Variants in LSM7 observed in about 807,000 individuals in gnomAD.
LSM7 encodes the protein LSM7 homolog, U6 small nuclear RNA and mRNA degradation associated.
LSM7 carries 13 observed loss-of-function variants against 14.1 expected under a neutral mutation model. The ratio of observed to expected loss-of-function variants is 0.92; its 90% CI spans 0.60 to 1.47. The LOEUF (loss-of-function observed/expected upper bound fraction) is 1.47, where lower values mean the gene tolerates loss of function less well. Among genes scored for constraint, LSM7 ranks in the 40% most tolerant of loss-of-function variants. The probability of loss-of-function intolerance (pLI) is 0.00; values close to 1 mark genes in which losing one functional copy is unlikely to be tolerated. For synonymous variants in LSM7, 70 were observed against 57.1 expected, an observed-to-expected ratio of 1.23 and a Z score of -1.02; for missense variants, 108 against 140.8, an observed-to-expected ratio of 0.77 and a Z score of 1.18.
chr19:2,328,575 G>A lies in LSM7; in HGVS notation c.-9C>T, dbSNP rs761896507. The A allele has an allele frequency of 1.3e-6, 2 of 1,579,484 alleles. No individual in the cohort carries two copies. The highest frequency in any genetic ancestry group is 8.6e-7 in the Non-Finnish European group (1 of 1,165,030). ...CGCGCGCTCACCGCCATCTTGTCGC[G>A]CCGTGTGGCTCTTCGCAGGCACCGC... On this transcript the variant is annotated 5_prime_UTR_variant, in exon 1 of 4. Coordinates refer to ENST00000252622, the MANE Select transcript of LSM7 (RefSeq NM_016199.3).
intron 3 of LSM7, among the ~76,000 whole-genome samples, chr19:2,323,596 A>C (rs150762892): frequency 6.6e-6 from 1 of 152,046 alleles, no homozygotes; most frequent in East Asian, 1.9e-4. Context: ...GATTACAGGC[A>C]TGCGCCACCA....
At chr19:2,325,862 ACAGAGAAGGTCTGCCCGCCTGCATACAAG>A (rs1804348282) in intron 2 of LSM7, 1 of 152,298 alleles carries the variant, frequency 6.6e-6, no homozygotes, top group Admixed American at 6.5e-5. Flanking sequence ...CTGGCCTTCT[ACAGAGAAGGTCTGCCCGCCTGCATACAAG>A]CTTCCGTCCA....
At chr19:2,325,167 T>C (rs948559823) in intron 2 of LSM7, among the ~76,000 whole-genome samples, 8 of 152,118 alleles carry the variant, frequency 5.3e-5, no homozygotes, top group African/African-American at 1.9e-4. Flanking sequence ...GGGCCACAAC[T>C]TGCCAACTTA....
chr19:2,326,702 C>T (rs1968027043), intron 2 of LSM7, among the ~76,000 whole-genome samples: 1 of 152,232 alleles, frequency 6.6e-6, no homozygotes. Flanking sequence ...AACTCCTGAC[C>T]TCAGGTGATC....
At chr19:2,324,399 C>T in intron 2 of LSM7, 1 of 569,092 alleles carries the variant, frequency 1.8e-6, no homozygotes, top group Non-Finnish European at 3.2e-6. Flanking sequence ...CTGCGGGGGG[C>T]CAGATGGCAA....
intron 2 of LSM7, 94 bp from the exon 3 acceptor site, chr19:2,324,290 T>A: frequency 1.0e-6 from 1 of 965,110 alleles, no homozygotes; most frequent in Non-Finnish European, 1.6e-6. Flanking sequence ...TGGGGCTAAC[T>A]GCTCCAGGGA....
At chr19:2,327,311 G>A (rs1599181672) in intron 2 of LSM7, among the ~76,000 whole-genome samples, 1 of 152,198 alleles carries the variant, frequency 6.6e-6, no homozygotes. Context: ...CCAGGCTGGA[G>A]TGCGGTGGCA....
chr19:2,324,074 C>T (rs1967977672), intron 3 of LSM7, 51 bp downstream of exon 3: 2 of 1,191,396 alleles, frequency 1.7e-6, no homozygotes, highest in East Asian at 2.9e-5. Context: ...GCCCCCCTCA[C>T]CCCACTATCC....
intron 3 of LSM7, among the ~76,000 whole-genome samples, chr19:2,323,770 A>G (rs1967971562): frequency 6.6e-6 from 1 of 152,160 alleles, no homozygotes; most frequent in Non-Finnish European, 1.5e-5. Flanking sequence ...CACCAATTTA[A>G]CAAAAATTAA....
chr19:2,324,499 T>C (rs924140416), intron 2 of LSM7: 1 of 451,662 alleles, frequency 2.2e-6, no homozygotes. Flanking sequence ...TGAGTCCATG[T>C]GTGGCTGAAC....
rs1001872731 is a variant in LSM7, at chr19:2,321,875, C to A, written c.170-53G>T. ...AGGGACCTCCAGGAAGCCTCCGAGA[C>A]CCCCCACCCACCCAAGACCCTCGCT... is the stretch of plus-strand genomic sequence containing the variant. On this transcript the variant is annotated intron_variant, in intron 3 of 3. Coordinates refer to ENST00000252622, the MANE Select transcript of LSM7 (RefSeq NM_016199.3). The surrounding 1 kb of genome is among the most constrained non-coding windows in gnomAD (Gnocchi z 5.0). The A allele has an allele frequency of 2.0e-4, 272 of 1,349,724 alleles. 3 individuals are homozygous for A. The East Asian group carries it at 8.2e-3, about 40-fold the overall frequency. The allele number at this position is 1,349,724 out of a possible 1,614,324, so 83.6% of individuals were successfully genotyped here. A position where few individuals can be genotyped will look rare whatever the true frequency, so the allele number is the denominator to read the frequency against.
rs931952369 is a variant in LSM7 at position 2,324,455 on chromosome 19, G to A, written c.98-259C>T. The A allele has an allele frequency of 3.2e-5, 17 of 527,452 alleles. No homozygotes were observed. In the African/African-American group the frequency reaches 3.2e-4, roughly 10 times the overall value. The allele number at this position is 527,452 out of a possible 1,614,324, so 32.7% of individuals were successfully genotyped here. ...CACAGGGTGCCGGTCACAGCTGCTGGCTCGGGCTGCCTGGGTGGAGGCAGC... is the reference window on the plus strand; with the variant it reads ...CACAGGGTGCCGGTCACAGCTGCTGACTCGGGCTGCCTGGGTGGAGGCAGC... On this transcript the variant is annotated intron_variant, in intron 2 of 3. Transcript: ENST00000252622.
At chr19:2,322,897 T>C (rs1360597578) in intron 3 of LSM7, among the ~76,000 whole-genome samples, 1 of 151,842 alleles carries the variant, frequency 6.6e-6, no homozygotes, top group Non-Finnish European at 1.5e-5. Context: ...TTTTTTTTTT[T>C]TGTAGAGACA....
intron 3 of LSM7, among the ~76,000 whole-genome samples, chr19:2,322,350 T>C (rs1016069694): frequency 4.6e-5 from 7 of 151,996 alleles, no homozygotes; most frequent in African/African-American, 1.5e-4. Flanking sequence ...CCATCCTGGC[T>C]AACTTGGTGA....
intron 2 of LSM7, 40 bp downstream of exon 2, chr19:2,328,347 A>G (rs771285562): frequency 3.2e-6 from 5 of 1,572,700 alleles, no homozygotes; most frequent in Admixed American, 1.7e-5. Context: ...TTTATTTGAA[A>G]TTTTTAAAGA....
intron 2 of LSM7, 134 bp from the exon 3 acceptor site, chr19:2,324,330 G>C: frequency 1.4e-6 from 1 of 697,728 alleles, no homozygotes; most frequent in Non-Finnish European, 2.6e-6. Flanking sequence ...GAGGGCTCCC[G>C]GGAGTGGCCG....
At chr19:2,326,548 C>A (rs888311214) in intron 2 of LSM7, among the ~76,000 whole-genome samples, 2 of 152,214 alleles carry the variant, frequency 1.3e-5, no homozygotes, top group African/African-American at 4.8e-5. Context: ...GTAGGCCAGG[C>A]TGGTCTCAAA....
At chr19:2,326,312 T>TTTTGTGTGTG (rs1491525398) in intron 2 of LSM7, among the ~76,000 whole-genome samples, 5 of 129,674 alleles carry the variant, frequency 3.9e-5, no homozygotes, top group Admixed American at 7.6e-5. Flanking sequence ...TTTCTGCTTT[T>TTTTGTGTGTG]TGTGTGTGTG....
intron 2 of LSM7, among the ~76,000 whole-genome samples, chr19:2,326,676 G>C (rs914955784): frequency 7.2e-5 from 11 of 152,228 alleles, no homozygotes; most frequent in African/African-American, 2.4e-4. Context: ...TCGCCATGTT[G>C]GCCAGGCTGG....
Sources: allele counts gnomAD v4.1 joint callset (sites outside exome capture counted in the v4.1 genomes callset), GRCh38; gene constraint gnomAD v4.1.1; non-coding constraint Gnocchi (gnomAD v3.1); transcripts MANE v1.5; gene names NCBI Gene and HGNC (gene_info 2026-07-23, HGNC 2026-07-21).